NAV3: variants seen among roughly 807,000 people sequenced by gnomAD.
The protein encoded by NAV3 is neuron navigator 3.
A neutral mutation model predicts 244.7 loss-of-function variants in NAV3; 87 were observed. The ratio of observed to expected loss-of-function variants is 0.36; its 90% CI spans 0.30 to 0.42. The LOEUF is 0.42. Ranked by LOEUF, NAV3 falls within the 20% of genes least tolerant of loss-of-function variation. The pLI is 1.00. For synonymous variants in NAV3, 1,126 were observed against 1,042.2 expected (o/e 1.08, Z -1.55); for missense variants, 2,663 against 2,893.3 (o/e 0.92, Z 1.83).
intron 12 of NAV3, among the ~76,000 whole-genome samples, chr12:78,112,960 G>C (rs300436): frequency 0.8 from 122,079 of 152,168 alleles, 49,335 homozygotes; most frequent in Non-Finnish European, 0.85. Context: ...TAAATACACA[G>C]ATTCCAAACG....
rs1874254817 is a variant in NAV3 at position 78,006,554 on chromosome 12, T to C, written c.1016T>C (p.Val339Ala). The C allele has an allele frequency of 6.2e-7, 1 of 1,614,028 alleles. No individual in the cohort carries two copies. The highest frequency in any genetic ancestry group is 8.5e-7 in the Non-Finnish European group (1 of 1,180,024). The part of the protein sequence containing the change: ...SKPWRSKSMN[V>A]KHSATSTMLT... ...CCCTGGCGCAGCAAGTCCATGAATG[T>C]CAAACACAGTGCCACCTCCACCATG... Residue 339 changes from valine to alanine, a missense_variant, in exon 8 of 40, where the codon GTC (valine) becomes GCC (alanine). Coordinates refer to ENST00000397909, the MANE Select transcript of NAV3 (RefSeq NM_001024383.2).
intron 7 of NAV3, among the ~76,000 whole-genome samples, chr12:78,003,767 T>G (rs1873729532): frequency 6.6e-6 from 1 of 152,242 alleles, no homozygotes; most frequent in African/African-American, 2.4e-5. Context: ...ATTTACAAGA[T>G]GAGATAACTA....
chr12:77,633,275 G>A (rs1439904632), intron 2 of NAV3, among the ~76,000 whole-genome samples: 6 of 151,960 alleles, frequency 3.9e-5, no homozygotes, highest in Admixed American at 6.6e-5. Context: ...AAGCAGAATC[G>A]TTTCAAAGAT....
intron 2 of NAV3, among the ~76,000 whole-genome samples, chr12:77,623,202 GA>G (rs879305774): frequency 6.1e-4 from 93 of 151,246 alleles, no homozygotes; most frequent in African/African-American, 7.3e-4. Flanking sequence ...TTCTGTAACT[GA>G]AAAAAAATTG....
At chr12:77,793,321 T>C (rs1028979948) in intron 2 of NAV3, among the ~76,000 whole-genome samples, 1 of 152,172 alleles carries the variant, frequency 6.6e-6, no homozygotes, top group Non-Finnish European at 1.5e-5. Flanking sequence ...TTATTTTACT[T>C]TATGTTTTGG....
chr12:78,137,326 A>G lies in NAV3; in HGVS notation c.4591A>G (p.Ile1531Val), dbSNP rs1438262718. The G allele has an allele frequency of 9.9e-6, 16 of 1,613,136 alleles. No individual in the cohort carries two copies. Among genetic ancestry groups the G allele is most frequent in the Middle Eastern group, 1.6e-4 (1 of 6,078 alleles). Residue 1531 changes from isoleucine (I) to valine (V), a missense_variant, in exon 19 of 40, where the codon ATC (isoleucine) becomes GTC (valine). By Grantham distance (29) the Ile-to-Val change is conservative. This residue lies in a region of NAV3 where 354 missense variants were observed against 413.0 expected (regional missense o/e 0.86). Coordinates refer to ENST00000397909, the MANE Select transcript of NAV3 (RefSeq NM_001024383.2). ...ATSLEERPRA[I>V]SHSGSFRDSM... is the part of the protein sequence containing the mutation. ...TTCTCTGGAGGAAAGACCTCGTGCC[A>G]TCAGTCATTCGGGCTCATTCAGAGA...
rs12426454 is a variant in NAV3, at chr12:78,019,066, A to G, written c.1908-2681A>G. Reference sequence around the variant, plus strand: ...TTTTAATATTGACCAGAATTTCACAAGAGAGAATGTATTTCCGGTCCTTTT... The same window carrying G: ...TTTTAATATTGACCAGAATTTCACAGGAGAGAATGTATTTCCGGTCCTTTT... On this transcript the variant is annotated intron_variant, in intron 8 of 39. Transcript: ENST00000397909. Among the ~76,000 whole-genome samples, 586 of 152,282 alleles carry G rather than the reference A, an allele frequency of 3.8e-3. 10 individuals carry two copies. Among genetic ancestry groups the G allele is most frequent in the Admixed American group, 0.034 (524 of 15,276 alleles).
intron 9 of NAV3, among the ~76,000 whole-genome samples, chr12:78,024,211 C>A (rs1877620521): frequency 1.3e-5 from 2 of 152,122 alleles, no homozygotes; most frequent in Admixed American, 6.6e-5. Flanking sequence ...TATATCCTAA[C>A]TCCATTGCCT....
intron 9 of NAV3, among the ~76,000 whole-genome samples, chr12:78,029,871 C>T (rs935109883): frequency 6.6e-6 from 1 of 152,080 alleles, no homozygotes; most frequent in Non-Finnish European, 1.5e-5. Flanking sequence ...CTATTAGTAG[C>T]ATATAAATTC....
At chr12:78,002,171 G>A (rs1873424252) in intron 7 of NAV3, among the ~76,000 whole-genome samples, 1 of 152,094 alleles carries the variant, frequency 6.6e-6, no homozygotes, top group African/African-American at 2.4e-5. Flanking sequence ...ATATTATTAG[G>A]AATTTATCCA....
intron 2 of NAV3, among the ~76,000 whole-genome samples, chr12:77,803,272 C>T (rs1306769157): frequency 1.3e-5 from 2 of 152,122 alleles, no homozygotes; most frequent in Non-Finnish European, 2.9e-5. Context: ...TGCTATCCCT[C>T]TCCTAGCCCC....
chr12:78,049,865 A>C, intron 9 of NAV3, 128 bp from the exon 10 acceptor site: 1 of 585,404 alleles, frequency 1.7e-6, no homozygotes, highest in South Asian at 2.6e-5. Context: ...TGTAGATAAT[A>C]ATAGTTATTT....
intron 15 of NAV3, among the ~76,000 whole-genome samples, chr12:78,121,117 C>A (rs1955648867): frequency 6.6e-6 from 1 of 152,166 alleles, no homozygotes; most frequent in Non-Finnish European, 1.5e-5. Flanking sequence ...TAAAATATTT[C>A]ACTGTAGGAA....
At chr12:77,745,988 T>TAAAAAAA (rs35139297) in intron 2 of NAV3, among the ~76,000 whole-genome samples, 2 of 107,568 alleles carry the variant, frequency 1.9e-5, no homozygotes, top group Non-Finnish European at 3.7e-5. Flanking sequence ...AGACTTAAGG[T>TAAAAAAA]AAAAAAAAAA....
At chr12:77,979,797 T>C (rs1869227175) in intron 5 of NAV3, among the ~76,000 whole-genome samples, 1 of 151,518 alleles carries the variant, frequency 6.6e-6, no homozygotes. Context: ...GTGACCCCAG[T>C]CACTGCTTAC....
chr12:77,941,169 A>C (rs1367569901), intron 3 of NAV3, 36 bp downstream of exon 3: 1 of 1,203,578 alleles, frequency 8.3e-7, no homozygotes, highest in African/African-American at 1.5e-5. Context: ...TATAATGCTG[A>C]TCTTCACTTC....
chr12:77,971,259 C>A (rs1255694723), intron 5 of NAV3, among the ~76,000 whole-genome samples: 1 of 152,020 alleles, frequency 6.6e-6, no homozygotes, highest in Non-Finnish European at 1.5e-5. Context: ...CTGTGGTAGA[C>A]TTTTAGCAAA....
At chr12:78,156,973 T>A (rs1166082149) in intron 22 of NAV3, among the ~76,000 whole-genome samples, 1 of 152,156 alleles carries the variant, frequency 6.6e-6, no homozygotes, top group Non-Finnish European at 1.5e-5. Flanking sequence ...GGGTGGTTTT[T>A]AAAACAGGCA....
At chr12:77,625,851 G>T (rs1033484836) in intron 2 of NAV3, among the ~76,000 whole-genome samples, 4 of 152,162 alleles carry the variant, frequency 2.6e-5, no homozygotes, top group Non-Finnish European at 5.9e-5. Flanking sequence ...GTTACAGCAA[G>T]TGCTTATATA....
Sources: gnomAD v4.1 joint callset for allele counts (sites outside exome capture counted in the v4.1 genomes callset) on GRCh38, gnomAD v4.1.1 for gene constraint, gnomAD v4.1.1 regional missense constraint, MANE v1.5 for transcripts, NCBI Gene and HGNC (gene_info 2026-07-23, HGNC 2026-07-21) for gene names.